The following CDK6 variants were observed in gnomAD, a reference collection of about 807,000 sequenced individuals.
CDK6 encodes the protein cyclin-dependent kinase 6.
CDK6 carries 6 observed loss-of-function variants against 37.1 expected under a neutral mutation model. The observed-to-expected ratio is 0.16, with a 90% CI of 0.09 to 0.32. The LOEUF is 0.32. Among genes scored for constraint, CDK6 ranks in the 10% least tolerant of loss-of-function variants. The pLI is 1.00. For missense variants in CDK6, 224 were observed against 418.9 expected (o/e 0.53, Z 4.06); for synonymous variants, 160 against 161.3 (o/e 0.99, Z 0.06).
intron 2 of CDK6, among the ~76,000 whole-genome samples, chr7:92,824,843 T>C (rs1269584440): frequency 2.0e-5 from 3 of 152,084 alleles, no homozygotes; most frequent in Non-Finnish European, 4.4e-5. Flanking sequence ...TAAAGAGCAG[T>C]AGTAATTTCT....
chr7:92,705,598 T>C (rs1797947896), intron 4 of CDK6, among the ~76,000 whole-genome samples: 1 of 152,166 alleles, frequency 6.6e-6, no homozygotes, highest in Non-Finnish European at 1.5e-5. Context: ...CAAAGAAAGG[T>C]GGATCCCAGT....
At chr7:92,799,826 C>T (rs1263036679) in intron 2 of CDK6, among the ~76,000 whole-genome samples, 1 of 152,176 alleles carries the variant, frequency 6.6e-6, no homozygotes, top group East Asian at 1.9e-4. Context: ...TTCCGGATTC[C>T]TATCTGGATG....
chr7:92,712,706 C>T (rs138011193), intron 4 of CDK6, among the ~76,000 whole-genome samples: 302 of 152,300 alleles, frequency 2.0e-3, no homozygotes, highest in African/African-American at 6.9e-3. Flanking sequence ...TTTAAATGGA[C>T]TATTCAATCT....
chr7:92,818,898 CTAAAAA>C (rs1203151449), intron 2 of CDK6, among the ~76,000 whole-genome samples: 1 of 151,914 alleles, frequency 6.6e-6, no homozygotes, highest in Non-Finnish European at 1.5e-5. Flanking sequence ...TATAGAATGA[CTAAAAA>C]TAAAAAGATT....
intron 3 of CDK6, among the ~76,000 whole-genome samples, chr7:92,728,327 G>A (rs887986374): frequency 2.6e-5 from 4 of 151,912 alleles, no homozygotes; most frequent in South Asian, 4.1e-4. Flanking sequence ...TAAAAATTAC[G>A]TATTTTATTA....
At chr7:92,811,043 C>A (rs1483079351) in intron 2 of CDK6, among the ~76,000 whole-genome samples, 1 of 151,656 alleles carries the variant, frequency 6.6e-6, no homozygotes, top group African/African-American at 2.4e-5. Context: ...AGAATGAGAA[C>A]CCCCCCAGCG....
intron 3 of CDK6, among the ~76,000 whole-genome samples, chr7:92,743,423 T>TA (rs112929160): frequency 6.7e-6 from 1 of 149,228 alleles, no homozygotes; most frequent in African/African-American, 2.5e-5. Flanking sequence ...AAAATAATAA[T>TA]AAAAAAAGAA....
Position 92,835,069 on chromosome 7 carries a change from TAAAC to T in CDK6, c.-367-1383_-367-1380del, listed in dbSNP as rs902586023. 5 of 152,308 alleles carry T rather than the reference TAAAC, an allele frequency of 3.3e-5. No homozygotes were observed. The highest frequency in any genetic ancestry group is 7.2e-5 in the African/African-American group (3 of 41,562). 9.4% of individuals were successfully genotyped at this position (152,308 alleles called of 1,614,324 possible). ...GGCCCGCTCGCCTTTTGCCAGGAAT[TAAAC>T]AAACGGCGCGACCCCCACGATGAGC... On this transcript the variant is annotated intron_variant, in intron 1 of 7. Transcript: ENST00000424848. The surrounding 1 kb of genome is among the most constrained non-coding windows in gnomAD (Gnocchi z 4.2).
chr7:92,684,808 A>C (rs1797412363), intron 4 of CDK6, among the ~76,000 whole-genome samples: 1 of 152,182 alleles, frequency 6.6e-6, no homozygotes, highest in Non-Finnish European at 1.5e-5. Context: ...CAATTTAGGG[A>C]ACCTAAATAC....
chr7:92,624,853 T>C (rs1249352365), intron 5 of CDK6, among the ~76,000 whole-genome samples: 1 of 152,142 alleles, frequency 6.6e-6, no homozygotes, highest in African/African-American at 2.4e-5. Flanking sequence ...AGAAATGTAG[T>C]AGTACAATTA....
chr7:92,715,265 T>A (rs2116689496), intron 4 of CDK6, among the ~76,000 whole-genome samples: 1 of 152,084 alleles, frequency 6.6e-6, no homozygotes, highest in South Asian at 2.1e-4. Flanking sequence ...TAACTTTATA[T>A]CAGTATCCAA....
chr7:92,810,894 A>G (rs1800864164), intron 2 of CDK6, among the ~76,000 whole-genome samples: 1 of 152,128 alleles, frequency 6.6e-6, no homozygotes, highest in Non-Finnish European at 1.5e-5. Flanking sequence ...AACATGGCGA[A>G]ACCCCATCTA....
intron 4 of CDK6, among the ~76,000 whole-genome samples, chr7:92,692,781 G>A (rs1334293733): frequency 1.3e-5 from 2 of 152,100 alleles, no homozygotes; most frequent in Non-Finnish European, 2.9e-5. Context: ...GAGTAAGACT[G>A]TGTCTCAAAA....
At chr7:92,676,498 A>C (rs1024018048) in intron 4 of CDK6, among the ~76,000 whole-genome samples, 2 of 152,158 alleles carry the variant, frequency 1.3e-5, no homozygotes, top group African/African-American at 4.8e-5. Context: ...ATAAATCCTT[A>C]CTTATATTTT....
intron 2 of CDK6, among the ~76,000 whole-genome samples, chr7:92,782,405 T>C (rs1312065119): frequency 6.6e-6 from 1 of 152,210 alleles, no homozygotes; most frequent in East Asian, 1.9e-4. Flanking sequence ...TCCTAGAATC[T>C]GGCAATCTGG....
chr7:92,761,232 A>C (rs1035895461), intron 3 of CDK6, among the ~76,000 whole-genome samples: 30 of 152,250 alleles, frequency 2.0e-4, no homozygotes, highest in Admixed American at 7.2e-4. Context: ...CTCTACTACC[A>C]GATCTGAAAA....
At chr7:92,680,756 T>C (rs1443585015) in intron 4 of CDK6, among the ~76,000 whole-genome samples, 1 of 152,156 alleles carries the variant, frequency 6.6e-6, no homozygotes, top group African/African-American at 2.4e-5. Flanking sequence ...ATTGCTGGTG[T>C]GGTTCTCTGA....
At chr7:92,691,736 A>C (rs945840785) in intron 4 of CDK6, among the ~76,000 whole-genome samples, 1 of 152,246 alleles carries the variant, frequency 6.6e-6, no homozygotes, top group Admixed American at 6.5e-5. Context: ...TCTTCAAAGA[A>C]AAGACTGAAG....
Position 92,725,733 on chromosome 7 carries a change from G to A in CDK6, c.430C>T (p.Arg144Cys), listed in dbSNP as rs1798495836. The change falls in exon 4 of 8, where the codon CGC becomes TGC. Residue 144 changes from arginine to cysteine, a missense_variant. Coordinates refer to ENST00000424848, the MANE Select transcript of CDK6 (RefSeq NM_001145306.2). ...AGAATGTTCTGTGGTTTTAGATCGC[G>A]ATGCACTACTCGGTGTGAATGAAGA... ...DFLHSHRVVH[R>C]DLKPQNILVT... The A allele has an allele frequency of 1.2e-6, 2 of 1,613,872 alleles. No individual in the cohort carries two copies. The highest frequency in any genetic ancestry group is 1.3e-5 in the African/African-American group (1 of 74,902).
Sources: gnomAD v4.1 joint callset for allele counts (sites outside exome capture counted in the v4.1 genomes callset) on GRCh38, gnomAD v4.1.1 for gene constraint, Gnocchi (gnomAD v3.1) non-coding constraint, MANE v1.5 for transcripts, NCBI Gene and HGNC (gene_info 2026-07-23, HGNC 2026-07-21) for gene names.